Variants in CNIH3 observed in about 807,000 individuals in gnomAD.
The protein encoded by CNIH3 is protein cornichon homolog 3.
Under a neutral mutation model 24.1 loss-of-function variants are expected in CNIH3, and 14 were observed. The ratio of observed to expected loss-of-function variants is 0.58; its 90% confidence interval spans 0.38 to 0.91. The LOEUF (loss-of-function observed/expected upper bound fraction) is 0.91, where lower values mean the gene tolerates loss of function less well. Ranked by LOEUF, CNIH3 falls within the 40% of genes least tolerant of loss-of-function variation. The pLI is 0.00. For missense variants in CNIH3, 178 were observed against 196.8 expected (o/e 0.90, Z 0.57); for synonymous variants, 68 against 73.8 (o/e 0.92, Z 0.40).
At chr1:224,595,145 C>G (rs1681924171) in intron 3 of CNIH3, among the ~76,000 whole-genome samples, 1 of 152,204 alleles carries the variant, frequency 6.6e-6, no homozygotes, top group African/African-American at 2.4e-5. Context: ...CTCCTGCACT[C>G]AAATGATCCT....
At chr1:224,549,503 G>T (rs1679831279) in intron 3 of CNIH3, among the ~76,000 whole-genome samples, 1 of 151,966 alleles carries the variant, frequency 6.6e-6, no homozygotes, top group Non-Finnish European at 1.5e-5. Flanking sequence ...TGAGAGTGAT[G>T]ATATTTTCTT....
At position 224,707,861 on chromosome 1, in the gene CNIH3, CAT is replaced by C. The variant is rs564316283; in HGVS notation, c.199-22600_199-22599del. Among the ~76,000 whole-genome samples, 11 of 152,324 alleles carry C rather than the reference CAT, an allele frequency of 7.2e-5. No individual in the cohort carries two copies. The East Asian group carries it at 1.9e-3, about 27-fold the overall frequency. Reference sequence around the variant, plus strand: ...ACCAAATAAATGAACATCCTGCCCTCATTGTTATCTTGTTGTTATTGACATAC... The same window carrying C: ...ACCAAATAAATGAACATCCTGCCCTCTGTTATCTTGTTGTTATTGACATAC... On this transcript the variant is annotated intron_variant, in intron 3 of 5. Transcript: ENST00000272133.
intron 1 of CNIH3, among the ~76,000 whole-genome samples, chr1:224,488,395 A>C (rs1458779856): frequency 7.2e-6 from 1 of 138,010 alleles, no homozygotes; most frequent in African/African-American, 2.7e-5. Flanking sequence ...TCTGTTAATC[A>C]ATCTTCAAGT....
Position 224,604,231 on chromosome 1 carries a change from T to A in CNIH3, n.402+37967T>A, listed in dbSNP as rs1312471758. The stretch of plus-strand genomic sequence containing the variant: ...CTACTGATTATTGCAATAGCCGTTA[T>A]ATGATTTGCCAATCAGAACAGAAAT... On this transcript the variant is annotated intron_variant and non_coding_transcript_variant, in intron 3 of 7. Transcript: ENST00000478120. This position sits in a 1 kb window ranked among gnomAD's most constrained non-coding sequence, Gnocchi z 4.4. 6.6e-6 allele frequency among the ~76,000 whole-genome samples: 1 copy of A among 152,270 alleles called. No individual in the cohort carries two copies. The highest frequency in any genetic ancestry group is 1.5e-5 in the Non-Finnish European group (1 of 68,042).
chr1:224,737,155 G>A (rs1689633158), intron 5 of CNIH3, among the ~76,000 whole-genome samples: 1 of 150,426 alleles, frequency 6.6e-6, no homozygotes, highest in Admixed American at 6.7e-5. Flanking sequence ...GAGCCGAGGC[G>A]TCGCAGGGAA....
Position 224,521,954 on chromosome 1 carries a change from G to C in CNIH3, n.343+627G>C, listed in dbSNP as rs1181896189. 2.6e-5 allele frequency among the ~76,000 whole-genome samples: 4 copies of C among 152,296 alleles called. No homozygotes were observed. The South Asian group carries it at 8.3e-4, about 32-fold the overall frequency. ...AGTAATAGACCCTAAAATGTGGATTGGCAAATTGCAGGTAGAATGGAAGGC... is the reference window on the plus strand; with the variant it reads ...AGTAATAGACCCTAAAATGTGGATTCGCAAATTGCAGGTAGAATGGAAGGC... On this transcript the variant is annotated intron_variant and non_coding_transcript_variant, in intron 2 of 2. Coordinates refer to the CNIH3 transcript ENST00000470602.
intron 4 of CNIH3, among the ~76,000 whole-genome samples, chr1:224,581,705 T>C (rs1681280622): frequency 1.3e-5 from 2 of 152,236 alleles, no homozygotes; most frequent in Admixed American, 1.3e-4. Context: ...TATTTTGTTA[T>C]TGATTGGTTG....
At chr1:224,699,180 C>T (rs1476204602) in intron 3 of CNIH3, among the ~76,000 whole-genome samples, 1 of 152,222 alleles carries the variant, frequency 6.6e-6, no homozygotes, top group Admixed American at 6.5e-5. Flanking sequence ...CAGGATCCAC[C>T]ATTAGCCTCA....
At position 224,651,057 on chromosome 1, in the gene CNIH3, G is replaced by A. The variant is rs369252048; in HGVS notation, c.82-29901G>A. On this transcript the variant is annotated intron_variant, in intron 1 of 5. Coordinates refer to ENST00000272133, the MANE Select transcript of CNIH3 (RefSeq NM_152495.2). ...GAGTGAAAGTGAGAAACAGAAAGAG[G>A]GACATGGACACACACACACACACGC... Among the ~76,000 whole-genome samples, 495 of 144,468 alleles carry A rather than the reference G, an allele frequency of 3.4e-3. 5 individuals are homozygous for A. Among genetic ancestry groups the A allele is most frequent in the African/African-American group, 0.012 (464 of 39,344 alleles). The allele number at this position is 144,468 out of a possible 152,430, so 94.8% of individuals were successfully genotyped here. A position where few individuals can be genotyped will look rare whatever the true frequency, so the allele number is the denominator to read the frequency against.
At chr1:224,501,280 A>G (rs999246355) in intron 1 of CNIH3, among the ~76,000 whole-genome samples, 1 of 152,122 alleles carries the variant, frequency 6.6e-6, no homozygotes, top group Admixed American at 6.6e-5. Context: ...ATAAATGGTC[A>G]TGGGCAATAA....
At chr1:224,468,382 C>CTCTT (rs1676233738) in intron 1 of CNIH3, among the ~76,000 whole-genome samples, 3 of 152,044 alleles carry the variant, frequency 2.0e-5, no homozygotes, top group Non-Finnish European at 4.4e-5. Context: ...CAGCATACAG[C>CTCTT]TCTTATACAT....
chr1:224,582,228 A>C (rs939685291), intron 4 of CNIH3, among the ~76,000 whole-genome samples: 3 of 151,936 alleles, frequency 2.0e-5, no homozygotes, highest in East Asian at 3.8e-4. Flanking sequence ...GGGTTTATTT[A>C]TTTCTTTTAA....
chr1:224,478,180 G>A (rs1676660824), intron 1 of CNIH3, among the ~76,000 whole-genome samples: 1 of 152,022 alleles, frequency 6.6e-6, no homozygotes, highest in African/African-American at 2.4e-5. Flanking sequence ...CAACCTTTTT[G>A]TACTTGAATA....
At chr1:224,454,026 T>C (rs1675540515) in intron 1 of CNIH3, among the ~76,000 whole-genome samples, 1 of 152,300 alleles carries the variant, frequency 6.6e-6, no homozygotes, top group Non-Finnish European at 1.5e-5. Flanking sequence ...AGGATGGTAA[T>C]CATGACAGCA....
chr1:224,682,481 G>T (rs910533675), intron 2 of CNIH3, among the ~76,000 whole-genome samples: 2 of 152,130 alleles, frequency 1.3e-5, no homozygotes, highest in African/African-American at 4.8e-5. Context: ...AAATAGAGAC[G>T]AACTCTTTCA....
At chr1:224,527,543 A>G (rs1433386365) in intron 2 of CNIH3, among the ~76,000 whole-genome samples, 1 of 152,150 alleles carries the variant, frequency 6.6e-6, no homozygotes, top group African/African-American at 2.4e-5. Context: ...ACACTTTGCT[A>G]CCAGTTACTC....
intron 4 of CNIH3, among the ~76,000 whole-genome samples, chr1:224,580,091 A>T (rs1323535609): frequency 6.6e-6 from 1 of 152,168 alleles, no homozygotes; most frequent in Admixed American, 6.5e-5. Flanking sequence ...TAGAATCCTG[A>T]CATTTTACCC....
chr1:224,511,405 A>G (rs1678145933), upstream of CNIH3, among the ~76,000 whole-genome samples: 1 of 152,238 alleles, frequency 6.6e-6, no homozygotes, highest in Non-Finnish European at 1.5e-5. Context: ...CTATGTAAAT[A>G]GCTGAGTATT....
At chr1:224,720,252 C>CT (rs10625559) in intron 3 of CNIH3, among the ~76,000 whole-genome samples, 29,262 of 141,998 alleles carry the variant, frequency 0.21, 3,190 homozygotes, top group African/African-American at 0.31. Flanking sequence ...GGATAGTCAT[C>CT]TTTTTTTTTT....
Sources: gnomAD v4.1 joint callset for allele counts (sites outside exome capture counted in the v4.1 genomes callset) on GRCh38, gnomAD v4.1.1 for gene constraint, Gnocchi (gnomAD v3.1) non-coding constraint, MANE v1.5 for transcripts, NCBI Gene and HGNC (gene_info 2026-07-23, HGNC 2026-07-21) for gene names.